XKR6: variants seen among roughly 807,000 people sequenced by gnomAD.
XKR6 encodes XK-related protein 6.
Under a neutral mutation model 56.7 loss-of-function variants are expected in XKR6, and 22 were observed. The observed-to-expected ratio is 0.39, with a 90% CI of 0.28 to 0.55. The LOEUF (loss-of-function observed/expected upper bound fraction) is 0.55. XKR6 is among the 20% of genes least tolerant of loss of function. XKR6 has a pLI of 0.66. For missense variants in XKR6, 852 were observed against 889.0 expected, an observed-to-expected ratio of 0.96 and a Z score of 0.53; for synonymous variants, 524 against 387.8, an observed-to-expected ratio of 1.35 and a Z score of -4.13.
intron 1 of XKR6, among the ~76,000 whole-genome samples, chr8:11,170,308 C>G (rs1461961805): frequency 2.0e-5 from 3 of 152,152 alleles, no homozygotes; most frequent in African/African-American, 7.2e-5. Context: ...ATGTTCCCAA[C>G]TCAAATACTA....
intron 1 of XKR6, among the ~76,000 whole-genome samples, chr8:10,964,174 G>A (rs995799537): frequency 3.9e-5 from 6 of 152,190 alleles, no homozygotes; most frequent in Non-Finnish European, 5.9e-5. Flanking sequence ...CAGGGCAGGG[G>A]CTGCCTGAGC....
At chr8:11,070,570 C>T (rs1269814011) in intron 1 of XKR6, among the ~76,000 whole-genome samples, 5 of 152,172 alleles carry the variant, frequency 3.3e-5, no homozygotes, top group African/African-American at 7.2e-5. Flanking sequence ...TAGGCTGGTT[C>T]CATCCTGAAA....
intron 1 of XKR6, among the ~76,000 whole-genome samples, chr8:11,060,575 A>G (rs761977138): frequency 6.6e-6 from 1 of 152,208 alleles, no homozygotes; most frequent in Non-Finnish European, 1.5e-5. Context: ...TCTCCTGCAT[A>G]CAAGGGACTA....
At chr8:11,198,662 C>T (rs1454397493) in intron 1 of XKR6, among the ~76,000 whole-genome samples, 1 of 152,172 alleles carries the variant, frequency 6.6e-6, no homozygotes, top group Admixed American at 6.5e-5. Flanking sequence ...TTTTATTCTA[C>T]TCCAATTTCA....
At chr8:11,049,680 A>G (rs763001404) in intron 1 of XKR6, among the ~76,000 whole-genome samples, 1 of 152,214 alleles carries the variant, frequency 6.6e-6, no homozygotes, top group Non-Finnish European at 1.5e-5. Flanking sequence ...CTGGCAGGGG[A>G]GGCACCAGTG....
intron 1 of XKR6, among the ~76,000 whole-genome samples, chr8:11,115,625 A>G (rs1327488749): frequency 7.9e-6 from 1 of 126,920 alleles, no homozygotes; most frequent in Non-Finnish European, 1.6e-5. Context: ...TTGTGTGGGA[A>G]TATGATACGT....
chr8:10,999,584 G>C (rs1485689401), intron 1 of XKR6, among the ~76,000 whole-genome samples: 1 of 152,172 alleles, frequency 6.6e-6, no homozygotes, highest in Non-Finnish European at 1.5e-5. Flanking sequence ...TCAATGCTAT[G>C]GTGAAGGGAG....
At chr8:11,161,287 C>G (rs147416183) in intron 1 of XKR6, among the ~76,000 whole-genome samples, 88 of 152,292 alleles carry the variant, frequency 5.8e-4, no homozygotes, top group African/African-American at 2.0e-3. Context: ...CCACCAGTAC[C>G]TACCTTGGTA....
At chr8:10,999,669 C>T (rs1248755608) in intron 1 of XKR6, among the ~76,000 whole-genome samples, 1 of 152,128 alleles carries the variant, frequency 6.6e-6, no homozygotes, top group African/African-American at 2.4e-5. Flanking sequence ...GCAGATGTGA[C>T]CAAGCTACCA....
intron 2 of XKR6, among the ~76,000 whole-genome samples, chr8:10,906,405 G>A (rs1469192776): frequency 6.6e-6 from 1 of 152,216 alleles, no homozygotes; most frequent in Non-Finnish European, 1.5e-5. Context: ...ACTCCTAGAT[G>A]TGGTCTTCAC....
intron 1 of XKR6, among the ~76,000 whole-genome samples, chr8:11,145,065 C>G (rs1800914371): frequency 7.7e-6 from 1 of 129,904 alleles, no homozygotes. Context: ...AGGAAGGAAA[C>G]AAACTACCTG....
At chr8:11,138,980 A>G (rs761874924) in intron 1 of XKR6, among the ~76,000 whole-genome samples, 2 of 152,138 alleles carry the variant, frequency 1.3e-5, no homozygotes, top group Non-Finnish European at 2.9e-5. Context: ...ATATTCACTA[A>G]TATATAGTTA....
intron 1 of XKR6, among the ~76,000 whole-genome samples, chr8:11,007,407 C>T (rs1798394728): frequency 6.6e-6 from 1 of 152,212 alleles, no homozygotes; most frequent in Non-Finnish European, 1.5e-5. Context: ...CGCTCAGCAG[C>T]AAAGCCTGGG....
chr8:10,980,058 T>C (rs11250101), intron 1 of XKR6, among the ~76,000 whole-genome samples: 88,278 of 151,736 alleles, frequency 0.58, 28,897 homozygotes, highest in African/African-American at 0.88. Flanking sequence ...CCATCTGAGA[T>C]GAACAGACAG....
At chr8:11,036,887 C>T (rs981297475) in intron 1 of XKR6, among the ~76,000 whole-genome samples, 11 of 152,192 alleles carry the variant, frequency 7.2e-5, no homozygotes, top group African/African-American at 1.2e-4. Context: ...CAGGGTGGGG[C>T]GTGCCCCATC....
At chr8:11,070,754 G>T (rs1800093740) in intron 1 of XKR6, among the ~76,000 whole-genome samples, 1 of 152,214 alleles carries the variant, frequency 6.6e-6, no homozygotes, top group Non-Finnish European at 1.5e-5. Context: ...AGGCAAAGTA[G>T]AAAAGGCTTC....
intron 1 of XKR6, among the ~76,000 whole-genome samples, chr8:11,076,993 C>A (rs1036649553): frequency 6.6e-6 from 1 of 152,084 alleles, no homozygotes; most frequent in African/African-American, 2.4e-5. Context: ...CTAGGAAGCA[C>A]AGTGAGACCC....
chr8:10,996,767 C>G (rs1408921063), intron 1 of XKR6, among the ~76,000 whole-genome samples: 1 of 152,074 alleles, frequency 6.6e-6, no homozygotes, highest in Non-Finnish European at 1.5e-5. Flanking sequence ...AATCCTAGCA[C>G]TTTGAGGGGC....
At chr8:11,198,463 T>C (rs1804011663) in intron 1 of XKR6, among the ~76,000 whole-genome samples, 1 of 149,974 alleles carries the variant, frequency 6.7e-6, no homozygotes, top group Non-Finnish European at 1.5e-5. Flanking sequence ...AAAAAAAAAC[T>C]AGACAGTAAA....
Sources: gnomAD v4.1 joint callset for allele counts (sites outside exome capture counted in the v4.1 genomes callset) on GRCh38, gnomAD v4.1.1 for gene constraint, MANE v1.5 for transcripts, NCBI Gene and HGNC (gene_info 2026-07-23, HGNC 2026-07-21) for gene names.